TLN2: variants seen among roughly 807,000 people sequenced by gnomAD.
The protein encoded by TLN2 is talin-2.
Under a neutral mutation model 294.7 loss-of-function variants are expected in TLN2, and 118 were observed. The ratio of observed to expected loss-of-function variants is 0.40; its 90% CI spans 0.34 to 0.47. The LOEUF is 0.47. Ranked by LOEUF, TLN2 falls within the 20% of genes least tolerant of loss-of-function variation. The pLI is 0.84. For synonymous variants in TLN2, 1,431 were observed against 1,304.5 expected (o/e 1.10, Z -2.09); for missense variants, 3,083 against 3,282.2 (o/e 0.94, Z 1.48).
chr15:62,708,077 A>T (rs190719718), intron 20 of TLN2, among the ~76,000 whole-genome samples: 59 of 152,224 alleles, frequency 3.9e-4, no homozygotes, highest in African/African-American at 1.3e-3. Flanking sequence ...TCTTTAAAGG[A>T]CTATGAGGCA....
At chr15:62,717,191 T>A (rs889317915) in intron 23 of TLN2, among the ~76,000 whole-genome samples, 5 of 152,018 alleles carry the variant, frequency 3.3e-5, no homozygotes, top group Admixed American at 3.3e-4. Flanking sequence ...GAGAGGAGAG[T>A]CATGGGCACC....
At chr15:62,479,719 C>CA in intron 1 of TLN2, among the ~76,000 whole-genome samples, 1 of 152,288 alleles carries the variant, frequency 6.6e-6, no homozygotes, top group East Asian at 1.9e-4. Context: ...TTCCTGGCCC[C>CA]AAGTGATCCG....
At chr15:62,609,272 C>T (rs2047713086) in intron 2 of TLN2, among the ~76,000 whole-genome samples, 2 of 152,182 alleles carry the variant, frequency 1.3e-5, no homozygotes, top group African/African-American at 2.4e-5. Flanking sequence ...TGCACAATCA[C>T]CCACCATTTC....
In TLN2 at chr15:62,705,752, T is replaced by A. The variant is rs1436106092; in HGVS notation, c.2005-1334T>A. Among the ~76,000 whole-genome samples, 2 of 152,248 alleles carry A rather than the reference T, an allele frequency of 1.3e-5. 1 individual carries two copies. Among genetic ancestry groups the A allele is most frequent in the African/African-American group, 4.8e-5 (2 of 41,458 alleles). The stretch of plus-strand genomic sequence containing the variant: ...TCCAGGAATTGTAACTTTGCCATAG[T>A]GGGAGCAATTCCTAAAAGTTGTGTG... On this transcript the variant is annotated intron_variant, in intron 19 of 58. Transcript: ENST00000636159.
At chr15:62,698,279 G>GGACT (rs1315024272) in intron 15 of TLN2, among the ~76,000 whole-genome samples, 2 of 152,158 alleles carry the variant, frequency 1.3e-5, no homozygotes, top group Non-Finnish European at 2.9e-5. Flanking sequence ...GCCGGCCTTG[G>GGACT]GACTCCCTTG....
chr15:62,625,159 C>T (rs2049167999), intron 3 of TLN2, among the ~76,000 whole-genome samples: 1 of 152,102 alleles, frequency 6.6e-6, no homozygotes, highest in African/African-American at 2.4e-5. Flanking sequence ...TCTTGCAAAC[C>T]ACACAGAACT....
At chr15:62,824,786 G>T (rs539364563) in intron 54 of TLN2, among the ~76,000 whole-genome samples, 57 of 152,282 alleles carry the variant, frequency 3.7e-4, no homozygotes, top group African/African-American at 1.3e-3. Context: ...TCTTTGGTTG[G>T]TTTTGACCTC....
intron 33 of TLN2, among the ~76,000 whole-genome samples, chr15:62,749,974 G>GA (rs1205558541): frequency 6.6e-6 from 1 of 152,156 alleles, no homozygotes; most frequent in Non-Finnish European, 1.5e-5. Flanking sequence ...TCCAAAATTG[G>GA]AAAAACTGAG....
At chr15:62,536,222 G>A (rs1374389727) in intron 1 of TLN2, among the ~76,000 whole-genome samples, 1 of 152,170 alleles carries the variant, frequency 6.6e-6, no homozygotes, top group African/African-American at 2.4e-5. Context: ...ATCTTTTACA[G>A]CTACAACAAA....
At position 62,800,417 on chromosome 15, in the gene TLN2, T is replaced by A. The variant is rs1304148689; in HGVS notation, c.6284T>A (p.Leu2095His). Residue 2095 changes from leucine to histidine, a missense_variant, in exon 49 of 59, where the codon CTC (leucine) becomes CAC (histidine). Transcript: ENST00000636159. ...GATGTGGCCAAGGCCCTTTCTGATCTCATCAGTGCTACCAAGGGAGCTGCC... is the reference window on the plus strand; with the variant it reads ...GATGTGGCCAAGGCCCTTTCTGATCACATCAGTGCTACCAAGGGAGCTGCC... ...IKDVAKALSDLISATKGAASK... is the reference protein window; with the variant it reads ...IKDVAKALSDHISATKGAASK... The A allele has an allele frequency of 6.2e-7, 1 of 1,614,068 alleles. No homozygotes were observed. Among genetic ancestry groups the A allele is most frequent in the African/African-American group, 1.3e-5 (1 of 74,940 alleles).
At chr15:62,536,152 C>T (rs1311578207) in intron 1 of TLN2, among the ~76,000 whole-genome samples, 1 of 152,176 alleles carries the variant, frequency 6.6e-6, no homozygotes, top group African/African-American at 2.4e-5. Context: ...AGTTTGGAGA[C>T]CCTCATAATC....
At chr15:62,739,592 C>T (rs375257421) in intron 31 of TLN2, 47 bp downstream of exon 31, 12 of 1,597,744 alleles carry the variant, frequency 7.5e-6, no homozygotes, top group Admixed American at 3.4e-5. Context: ...CCTCTCCTCT[C>T]GGATGGATAA....
At chr15:62,656,566 T>C (rs1375077320) in intron 8 of TLN2, among the ~76,000 whole-genome samples, 1 of 152,236 alleles carries the variant, frequency 6.6e-6, no homozygotes, top group Non-Finnish European at 1.5e-5. Context: ...GGTTTCCCAG[T>C]ATGTAAGATG....
At chr15:62,540,564 T>C (rs2165560) in intron 1 of TLN2, among the ~76,000 whole-genome samples, 51,902 of 151,628 alleles carry the variant, frequency 0.34, 9,521 homozygotes, top group East Asian at 0.55. Flanking sequence ...TTTGGGACTG[T>C]GATGGGTGGT....
intron 1 of TLN2, among the ~76,000 whole-genome samples, chr15:62,524,790 CAG>C (rs1417507754): frequency 6.6e-6 from 1 of 152,160 alleles, no homozygotes; most frequent in Non-Finnish European, 1.5e-5. Context: ...GTTTGAGAAA[CAG>C]TGGTAGGATC....
chr15:62,507,542 A>C (rs1043838475), intron 1 of TLN2, among the ~76,000 whole-genome samples: 2 of 152,254 alleles, frequency 1.3e-5, no homozygotes, highest in African/African-American at 4.8e-5. Context: ...CCTGGGAGGC[A>C]GAGCACAGGT....
chr15:62,400,541 A>C (rs2032940135), intron 1 of TLN2, among the ~76,000 whole-genome samples: 1 of 152,198 alleles, frequency 6.6e-6, no homozygotes, highest in Non-Finnish European at 1.5e-5. Flanking sequence ...AATAGTCTAT[A>C]ATGAATTCTC....
intron 13 of TLN2, 50 bp downstream of exon 13, chr15:62,692,991 G>T: frequency 6.6e-7 from 1 of 1,517,478 alleles, no homozygotes; most frequent in Non-Finnish European, 9.0e-7. Flanking sequence ...TTATTAAAAG[G>T]CTTGGTTTCG....
intron 3 of TLN2, among the ~76,000 whole-genome samples, chr15:62,636,321 G>A (rs184563774): frequency 2.0e-5 from 3 of 151,966 alleles, no homozygotes; most frequent in South Asian, 4.2e-4. Context: ...TATAAAATGG[G>A]GGTGACCTTG....
Sources: gnomAD v4.1 joint callset for allele counts (sites outside exome capture counted in the v4.1 genomes callset) on GRCh38, gnomAD v4.1.1 for gene constraint, MANE v1.5 for transcripts, NCBI Gene and HGNC (gene_info 2026-07-23, HGNC 2026-07-21) for gene names.